The following SPTBN5 variants were observed in gnomAD, a reference collection of about 807,000 sequenced individuals.
SPTBN5 encodes the protein spectrin beta, non-erythrocytic 5.
Under a neutral mutation model 477.6 loss-of-function variants are expected in SPTBN5, and 513 were observed. The observed-to-expected ratio is 1.07, with a 90% CI of 1.00 to 1.16. The LOEUF (loss-of-function observed/expected upper bound fraction) is 1.16. Among genes scored for constraint, SPTBN5 ranks in the 50% most tolerant of loss-of-function variants. SPTBN5 has a pLI of 0.00. For missense variants in SPTBN5, 5,062 were observed against 4,731.8 expected, an observed-to-expected ratio of 1.07 and a Z score of -2.05; for synonymous variants, 2,169 against 2,011.7, an observed-to-expected ratio of 1.08 and a Z score of -2.09.
intron 19 of SPTBN5, 43 bp from the exon 20 acceptor site, chr15:41,876,690 TC>T: frequency 6.4e-7 from 1 of 1,559,012 alleles, no homozygotes; most frequent in Non-Finnish European, 8.8e-7. Flanking sequence ...GGGAGAGGAC[TC>T]CCACCCCAGC....
chr15:41,872,572 G>A (rs375918980), intron 26 of SPTBN5, 113 bp from the exon 27 acceptor site: 68 of 1,153,784 alleles, frequency 5.9e-5, no homozygotes, highest in African/African-American at 4.3e-4. Context: ...CCACTCACAC[G>A]CCCATCCATC....
chr15:41,857,875 A>C (rs935839516), intron 49 of SPTBN5, among the ~76,000 whole-genome samples, 165 bp from the exon 50 acceptor site: 3 of 152,378 alleles, frequency 2.0e-5, no homozygotes, highest in African/African-American at 2.4e-5. Flanking sequence ...CATCCGTATC[A>C]TAGAGAAAAT....
Position 41,876,110 on chromosome 15 carries a change from C to A in SPTBN5, c.4122+4G>T. On this transcript the variant is annotated splice_donor_region_variant and intron_variant, in intron 21 of 67. Transcript: ENST00000320955. Reference sequence around the variant, plus strand: ...CTCTGCACCCTCTGTCCCGTGTCCCCCACCTGCTGCAGGGCCTCCACGTGT... The same window carrying A: ...CTCTGCACCCTCTGTCCCGTGTCCCACACCTGCTGCAGGGCCTCCACGTGT... 6.3e-7 allele frequency: 1 copy of A among 1,596,068 alleles called. No homozygotes were observed. Among genetic ancestry groups the A allele is most frequent in the Non-Finnish European group, 8.5e-7 (1 of 1,175,284 alleles).
chr15:41,851,928 G>T, intron 62 of SPTBN5, 78 bp from the exon 63 acceptor site: 2 of 1,188,826 alleles, frequency 1.7e-6, no homozygotes, highest in Non-Finnish European at 2.4e-6. Context: ...ACTGCCCCCA[G>T]CTCTCTTTAT....
intron 59 of SPTBN5, 59 bp downstream of exon 59, chr15:41,853,199 C>T: frequency 6.5e-7 from 1 of 1,538,672 alleles, no homozygotes; most frequent in Non-Finnish European, 8.8e-7. Flanking sequence ...GGCCCTGAGG[C>T]CCTGGGCAAT....
chr15:41,890,184 G>C lies in SPTBN5; in HGVS notation c.406C>G (p.Pro136Ala). 6.2e-7 allele frequency: 1 copy of C among 1,612,428 alleles called. No homozygotes were observed. The highest frequency in any genetic ancestry group is 8.5e-7 in the Non-Finnish European group (1 of 1,179,188). Residue 136 changes from proline (P) to alanine (A), a missense_variant, in exon 4 of 68, where the codon CCA (proline) becomes GCA (alanine). Transcript: ENST00000320955. ...RAKVPVPLIG[P>A]ENIVDGDQTL... The stretch of plus-strand genomic sequence containing the variant: ...TGGTCTCCGTCCACGATGTTCTCTG[G>C]CCCGATGAGTGGTACTGGCACCTGT...
chr15:41,875,187 C>A, intron 22 of SPTBN5, 131 bp from the exon 23 acceptor site: 1 of 963,872 alleles, frequency 1.0e-6, no homozygotes, highest in Non-Finnish European at 1.5e-6. Context: ...ACTGCCAACC[C>A]TCGGCCAGAA....
In SPTBN5 at chr15:41,893,400, C is replaced by A. The variant is rs968762695; in HGVS notation, c.98G>T (p.Ser33Ile). ...STELRVPPSP[S>I]LTMDSQYETG... is the part of the protein sequence containing the mutation. ...CTCGTACTGAGAGTCCATGGTGAGA[C>A]TTGGACTGGGCGGGACCCGGAGTTC... Residue 33 changes from serine (S) to isoleucine (I), a missense_variant, in exon 2 of 68, where the codon AGT becomes ATT. Physicochemically the swap from Ser to Ile is moderately radical, Grantham distance 142. Transcript: ENST00000320955. The A allele has an allele frequency of 6.2e-7, 1 of 1,613,688 alleles. No homozygotes were observed. The highest frequency in any genetic ancestry group is 1.3e-5 in the African/African-American group (1 of 74,948).
intron 49 of SPTBN5, among the ~76,000 whole-genome samples, chr15:41,858,228 G>A (rs1293677135): frequency 1.3e-5 from 2 of 152,194 alleles, no homozygotes; most frequent in Admixed American, 6.5e-5. Flanking sequence ...AGCCTGGGAG[G>A]CGGAGGTTGC....
intron 21 of SPTBN5, 28 bp downstream of exon 21, chr15:41,876,086 T>A (rs761551761): frequency 6.3e-7 from 1 of 1,582,832 alleles, no homozygotes; most frequent in South Asian, 1.1e-5. Flanking sequence ...ACAAGGAGGC[T>A]CTGCACCCTC....
chr15:41,876,753 C>T lies in SPTBN5; in HGVS notation c.3851+56G>A, dbSNP rs888046163. On this transcript the variant is annotated intron_variant, in intron 19 of 67. Transcript: ENST00000320955. Reference sequence around the variant, plus strand: ...ACTCTCCCAGCCCTAGGGCGGCCGTCTGTGCAGGCTGAGAAAGGGTCATCT... The same window carrying T: ...ACTCTCCCAGCCCTAGGGCGGCCGTTTGTGCAGGCTGAGAAAGGGTCATCT... 2.5e-6 allele frequency: 4 copies of T among 1,607,112 alleles called. No homozygotes were observed. In the East Asian group the frequency reaches 8.9e-5, roughly 36 times the overall value.
In SPTBN5 at chr15:41,874,534, C is replaced by T. The variant is rs1019710717; in HGVS notation, c.4503-56G>A. On this transcript the variant is annotated intron_variant, in intron 23 of 67. Transcript: ENST00000320955. ...TGGGAACAGAGTGAGCACAAGGCTC[C>T]TGGTTCTTTCCTTGGCCAAGCCAGG... 4 of 1,430,702 alleles carry T rather than the reference C, an allele frequency of 2.8e-6. No individual in the cohort carries two copies. The African/African-American group carries it at 5.7e-5, about 20-fold the overall frequency. The allele number at this position is 1,430,702 out of a possible 1,614,324, so 88.6% of individuals were successfully genotyped here.
rs1162454174 is a variant in SPTBN5 at position 41,881,048 on chromosome 15, G to T, written c.2644C>A (p.Arg882=). The T allele has an allele frequency of 1.9e-6, 3 of 1,588,236 alleles. No individual in the cohort carries two copies. Among genetic ancestry groups the T allele is most frequent in the African/African-American group, 2.7e-5 (2 of 74,460 alleles). Residue 882 remains arginine, a synonymous_variant, in exon 13 of 68, where the codon CGG becomes AGG. Coordinates refer to ENST00000320955, the MANE Select transcript of SPTBN5 (RefSeq NM_016642.4). ...AGAAGTGTTACCTGTGCCAGGGCCC[G>T]CAGACTCTCATAGTCCTGACTCAAG... is the stretch of plus-strand genomic sequence containing the variant. ...DHLSQDYESL[R]ALAQLRRARL...
At position 41,882,476 on chromosome 15, in the gene SPTBN5, G is replaced by T. The variant is rs377144820; in HGVS notation, c.2047-7C>A. 1 of 1,557,642 alleles carries T rather than the reference G, an allele frequency of 6.4e-7. No individual in the cohort carries two copies. The highest frequency in any genetic ancestry group is 8.6e-7 in the Non-Finnish European group (1 of 1,156,946). On this transcript the variant is annotated splice_polypyrimidine_tract_variant and splice_region_variant and intron_variant, in intron 10 of 67. Coordinates refer to ENST00000320955, the MANE Select transcript of SPTBN5 (RefSeq NM_016642.4). ...GGACCTCAGCTTCCAGGGCCTAGCG[G>T]GGGGCAGAGCAGGGGGCTCAGTGAA... is the stretch of plus-strand genomic sequence containing the variant.
chr15:41,883,131 C>T lies in SPTBN5; in HGVS notation c.1757G>A (p.Gly586Glu). Residue 586 changes from glycine to glutamate, a missense_variant, in exon 9 of 68, where the codon GGA becomes GAA. Gly to Glu is a moderately conservative substitution (Grantham distance 98). Coordinates refer to ENST00000320955, the MANE Select transcript of SPTBN5 (RefSeq NM_016642.4). Reference protein sequence around the residue: ...DLLEAQVSAHGAHVSHLAQQT... With the variant: ...DLLEAQVSAHEAHVSHLAQQT... ...CTGAGCAAGATGGCTCACATGGGCTCCGTGGGCCGAGACTTGAGCCTCCAG... is the reference window on the plus strand; with the variant it reads ...CTGAGCAAGATGGCTCACATGGGCTTCGTGGGCCGAGACTTGAGCCTCCAG... 6.2e-7 allele frequency: 1 copy of T among 1,612,514 alleles called. No individual in the cohort carries two copies. Among genetic ancestry groups the T allele is most frequent in the Non-Finnish European group, 8.5e-7 (1 of 1,179,682 alleles).
At position 41,849,862 on chromosome 15, in the gene SPTBN5, G is replaced by GTCCC. The variant is rs1567177411; in HGVS notation, c.11012+3_11012+6dup. On this transcript the variant is annotated splice_region_variant and intron_variant, in intron 67 of 67. Coordinates refer to ENST00000320955, the MANE Select transcript of SPTBN5 (RefSeq NM_016642.4). ...CCCGCCCTGCTTCCCCCACCCAGGT[G>GTCCC]TCCCACCTGAGTAGACATCCAGGCC... 6.4e-7 allele frequency: 1 copy of GTCCC among 1,564,554 alleles called. No homozygotes were observed. Among genetic ancestry groups the GTCCC allele is most frequent in the Admixed American group, 1.9e-5 (1 of 52,600 alleles).
rs774124808 is a variant in SPTBN5, at chr15:41,876,311, C to T, written c.3952-27G>A. ...TGCCAAGAACCAGGCGAGAGTGGGT[C>T]TCAGAGCACGGTGGGTGGGGGCTGG... is the stretch of plus-strand genomic sequence containing the variant. On this transcript the variant is annotated intron_variant, in intron 20 of 67. Coordinates refer to ENST00000320955, the MANE Select transcript of SPTBN5 (RefSeq NM_016642.4). 9 of 1,521,684 alleles carry T rather than the reference C, an allele frequency of 5.9e-6. No homozygotes were observed. In the South Asian group the frequency reaches 9.8e-5, roughly 17 times the overall value. 94.3% of individuals were successfully genotyped at this position (1,521,684 alleles called of 1,614,324 possible).
In SPTBN5 at chr15:41,848,490, G is replaced by T; in HGVS notation, c.*126C>A. On this transcript the variant is annotated 3_prime_UTR_variant, in exon 68 of 68. Coordinates refer to ENST00000320955, the MANE Select transcript of SPTBN5 (RefSeq NM_016642.4). ...AGGAACTGTCTATTCCAGAAGCTGG[G>T]CCTGGGGAACTGGGTTGAAGCAGCC... 9.1e-7 allele frequency: 1 copy of T among 1,096,376 alleles called. No homozygotes were observed. Among genetic ancestry groups the T allele is most frequent in the Non-Finnish European group, 1.4e-6 (1 of 710,032 alleles). 67.9% of individuals were successfully genotyped at this position (1,096,376 alleles called of 1,614,324 possible).
rs1008227812 is a variant in SPTBN5 at position 41,862,843 on chromosome 15, G to A, written c.7210C>T (p.Arg2404Trp). The A allele has an allele frequency of 1.1e-5, 18 of 1,590,552 alleles. No individual in the cohort carries two copies. The highest frequency in any genetic ancestry group is 5.4e-5 in the African/African-American group (4 of 74,402). ...KDLESVQRLL[R>W]KHEELEREVH... ...TCCCGCTCCAGCTCCTCGTGTTTCC[G>A]CAGCAGCCTCTGCACGCTCTCCAGA... The change falls in exon 42 of 68, where the codon CGG becomes TGG. Residue 2404 changes from arginine to tryptophan, a missense_variant. Arg to Trp is a moderately radical substitution (Grantham distance 101, BLOSUM62 -3). Transcript: ENST00000320955.
Sources: allele counts gnomAD v4.1 joint callset (sites outside exome capture counted in the v4.1 genomes callset), GRCh38; gene constraint gnomAD v4.1.1; transcripts MANE v1.5; gene names NCBI Gene and HGNC (gene_info 2026-07-23, HGNC 2026-07-21).